DCBLD1: variants seen among roughly 807,000 people sequenced by gnomAD.
DCBLD1 encodes discoidin, CUB and LCCL domain containing 1.
Under a neutral mutation model 71.5 loss-of-function variants are expected in DCBLD1, and 57 were observed. The observed-to-expected ratio is 0.80, with a 90% CI of 0.64 to 0.99. The LOEUF (loss-of-function observed/expected upper bound fraction) is 0.99, where lower values mean the gene tolerates loss of function less well. Among genes scored for constraint, DCBLD1 ranks in the 50% least tolerant of loss-of-function variants. The probability of loss-of-function intolerance (pLI) is 0.00; values close to 1 mark genes in which losing one functional copy is unlikely to be tolerated. For missense variants in DCBLD1, 891 were observed against 923.5 expected (o/e 0.96, Z 0.46); for synonymous variants, 380 against 363.8 (o/e 1.04, Z -0.51).
rs550308416 is a variant in DCBLD1, at chr6:117,526,290, A to G, written c.585+856A>G. Among the ~76,000 whole-genome samples, 5 of 152,268 alleles carry G rather than the reference A, an allele frequency of 3.3e-5. No individual in the cohort carries two copies. In the South Asian group the frequency reaches 1.0e-3, roughly 32 times the overall value. ...TCCCCTTTTCTGTTTTTTTATTTAC[A>G]AGATTGACACTGGATACTCATTTGA... On this transcript the variant is annotated intron_variant, in intron 5 of 14. Transcript: ENST00000338728.
intron 4 of DCBLD1, among the ~76,000 whole-genome samples, chr6:117,523,556 A>G (rs1423814169): frequency 6.6e-6 from 1 of 152,230 alleles, no homozygotes; most frequent in Non-Finnish European, 1.5e-5. Context: ...CTAGAATCCA[A>G]GAAATTCTGA....
chr6:117,542,309 G>C (rs967494604), intron 11 of DCBLD1, among the ~76,000 whole-genome samples: 1 of 142,678 alleles, frequency 7.0e-6, no homozygotes, highest in Admixed American at 6.9e-5. Flanking sequence ...AAAAAAAAAA[G>C]AAAAAGAAGT....
At position 117,549,431 on chromosome 6, in the gene DCBLD1, C is replaced by G. The variant is rs11550977; in HGVS notation, c.*992C>G. On this transcript the variant is annotated 3_prime_UTR_variant, in exon 15 of 15. Coordinates refer to ENST00000338728, the MANE Select transcript of DCBLD1 (RefSeq NM_001366458.2). ...TCTCATTTTATAAGAAATGATTTTC[C>G]CCTCAAGGAGGCGTCTGTAATTCCA... is the stretch of plus-strand genomic sequence containing the variant. 2.3e-5 allele frequency: 23 copies of G among 985,302 alleles called. No homozygotes were observed. Among genetic ancestry groups the G allele is most frequent in the Non-Finnish European group, 2.7e-5 (22 of 829,922 alleles). 61.0% of individuals were successfully genotyped at this position (985,302 alleles called of 1,614,324 possible).
rs574993129 is a variant in DCBLD1, at chr6:117,537,294, G to A, written c.760+69G>A. The stretch of plus-strand genomic sequence containing the variant: ...TCACGCCTATAATCCCAGCACTTTG[G>A]GAGGCCGAGGCAGGCGGATCATGAG... On this transcript the variant is annotated intron_variant, in intron 7 of 14. Transcript: ENST00000338728. The A allele has an allele frequency of 1.4e-5, 20 of 1,459,578 alleles. No individual in the cohort carries two copies. The South Asian group carries it at 2.3e-4, about 17-fold the overall frequency. 90.4% of individuals were successfully genotyped at this position (1,459,578 alleles called of 1,614,324 possible). A position where few individuals can be genotyped will look rare whatever the true frequency, so the allele number is the denominator to read the frequency against.
At chr6:117,505,933 G>C (rs893025362) in intron 2 of DCBLD1, among the ~76,000 whole-genome samples, 10 of 152,168 alleles carry the variant, frequency 6.6e-5, no homozygotes, top group Admixed American at 6.5e-4. Flanking sequence ...TTCAAGCTTA[G>C]ATGCATCACT....
At chr6:117,560,986 G>A (rs1465507201) in intron 14 of DCBLD1, 2 of 213,942 alleles carry the variant, frequency 9.3e-6, no homozygotes, top group African/African-American at 4.5e-5. Context: ...CTAATTCTTA[G>A]TTCATCCCCA....
At chr6:117,543,735 A>C (rs914227359) in intron 12 of DCBLD1, among the ~76,000 whole-genome samples, 3 of 152,222 alleles carry the variant, frequency 2.0e-5, no homozygotes, top group African/African-American at 7.2e-5. Flanking sequence ...TTGTTGAAGT[A>C]TCCTGAAATT....
chr6:117,555,214 A>G (rs759419825), intron 14 of DCBLD1, among the ~76,000 whole-genome samples: 4 of 152,218 alleles, frequency 2.6e-5, no homozygotes, highest in Non-Finnish European at 5.9e-5. Context: ...ATTTATTCCT[A>G]TAGAATTGAA....
chr6:117,544,427 A>C (rs888830212), intron 12 of DCBLD1, 101 bp from the exon 13 acceptor site: 18 of 1,134,548 alleles, frequency 1.6e-5, no homozygotes, highest in Admixed American at 2.9e-5. Context: ...TCTCACATCA[A>C]CCCTATGAGG....
chr6:117,547,384 C>T (rs1779300987), intron 14 of DCBLD1, among the ~76,000 whole-genome samples: 1 of 152,116 alleles, frequency 6.6e-6, no homozygotes, highest in Non-Finnish European at 1.5e-5. Flanking sequence ...TTATTAACAT[C>T]TTGCTATTGG....
intron 14 of DCBLD1, chr6:117,566,893 T>C (rs1175792361): frequency 6.3e-7 from 1 of 1,597,886 alleles, no homozygotes; most frequent in Non-Finnish European, 8.5e-7. Flanking sequence ...TCTTTGCAAC[T>C]AGCACCAGGG....
At chr6:117,531,838 G>T (rs1052582242) in intron 5 of DCBLD1, among the ~76,000 whole-genome samples, 1 of 152,126 alleles carries the variant, frequency 6.6e-6, no homozygotes, top group Non-Finnish European at 1.5e-5. Context: ...ATCTGTTATC[G>T]ATTTCTGCTT....
intron 14 of DCBLD1, chr6:117,547,459 C>T: frequency 2.3e-6 from 1 of 443,784 alleles, no homozygotes; most frequent in Admixed American, 2.4e-5. Context: ...CTCACTGTCA[C>T]CACTAGGCCC....
At chr6:117,506,698 C>CTGGAAGGG (rs1359452241) in intron 2 of DCBLD1, among the ~76,000 whole-genome samples, 1 of 152,190 alleles carries the variant, frequency 6.6e-6, no homozygotes, top group Non-Finnish European at 1.5e-5. Flanking sequence ...GCCCAGCTTC[C>CTGGAAGGG]TGGAAGGGTG....
chr6:117,482,778 G>T lies in DCBLD1; in HGVS notation c.-4G>T. 2.3e-5 allele frequency: 26 copies of T among 1,139,442 alleles called. No homozygotes were observed. Among genetic ancestry groups the T allele is most frequent in the Non-Finnish European group, 2.7e-5 (25 of 929,224 alleles). 70.6% of individuals were successfully genotyped at this position (1,139,442 alleles called of 1,614,324 possible). ...AGCTTGCCAAGCTGGCGCCCAGCGG[G>T]GTCATGGTGCCCGGCGCCCGCGGCG... On this transcript the variant is annotated 5_prime_UTR_variant, in exon 1 of 15. Coordinates refer to ENST00000338728, the MANE Select transcript of DCBLD1 (RefSeq NM_001366458.2).
At chr6:117,519,787 A>C in intron 2 of DCBLD1, 29 bp from the exon 3 acceptor site, 1 of 1,591,564 alleles carries the variant, frequency 6.3e-7, no homozygotes, top group Non-Finnish European at 8.6e-7. Context: ...TAAATTTTGA[A>C]ATGTGCCACA....
At chr6:117,565,676 A>G (rs1402979179) in intron 14 of DCBLD1, among the ~76,000 whole-genome samples, 1 of 152,198 alleles carries the variant, frequency 6.6e-6, no homozygotes, top group East Asian at 1.9e-4. Context: ...CATGGTGATC[A>G]ACGTATGTTT....
In DCBLD1 at chr6:117,569,549, C is replaced by A. The variant is rs778786274; in HGVS notation, c.1616-71C>A. The A allele has an allele frequency of 4.3e-6, 7 of 1,610,452 alleles. No individual in the cohort carries two copies. In the South Asian group the frequency reaches 5.5e-5, roughly 13 times the overall value. ...TCATAACCAATTGATAGATCCAGTTCTAATTACATGAAGGGAATTTACCTG... is the reference window on the plus strand; with the variant it reads ...TCATAACCAATTGATAGATCCAGTTATAATTACATGAAGGGAATTTACCTG... On this transcript the variant is annotated intron_variant, in intron 14 of 14. Coordinates refer to the DCBLD1 transcript ENST00000296955.
chr6:117,557,598 T>C (rs1779511021), intron 14 of DCBLD1, among the ~76,000 whole-genome samples: 1 of 151,954 alleles, frequency 6.6e-6, no homozygotes, highest in Non-Finnish European at 1.5e-5. Context: ...ACCCCGTCTC[T>C]ACTAAAAATA....
Sources: gnomAD v4.1 joint callset for allele counts (sites outside exome capture counted in the v4.1 genomes callset) on GRCh38, gnomAD v4.1.1 for gene constraint, MANE v1.5 for transcripts, NCBI Gene and HGNC (gene_info 2026-07-23, HGNC 2026-07-21) for gene names.